PRIM2: variants seen among roughly 807,000 people sequenced by gnomAD.
The protein encoded by PRIM2 is DNA primase large subunit.
Under a neutral mutation model 67.3 loss-of-function variants are expected in PRIM2, and 39 were observed. That is an observed-to-expected ratio of 0.58 (90% CI 0.45 to 0.76). The LOEUF is 0.76. Ranked by LOEUF, PRIM2 falls within the 30% of genes least tolerant of loss-of-function variation. PRIM2 has a pLI of 0.00. For synonymous variants in PRIM2, 143 were observed against 198.7 expected, an observed-to-expected ratio of 0.72 and a Z score of 2.36; for missense variants, 398 against 598.7, an observed-to-expected ratio of 0.66 and a Z score of 3.50.
chr6:57,560,276 A>G (rs1775602022), intron 10 of PRIM2, among the ~76,000 whole-genome samples: 1 of 151,022 alleles, frequency 6.6e-6, no homozygotes, highest in Non-Finnish European at 1.5e-5. Context: ...TCCACTAAAA[A>G]GTTTTATCAT....
intron 7 of PRIM2, among the ~76,000 whole-genome samples, chr6:57,411,280 A>G (rs1424794297): frequency 2.0e-5 from 3 of 151,588 alleles, no homozygotes; most frequent in African/African-American, 7.3e-5. Flanking sequence ...ATCCAATTAA[A>G]CCTCTTTTCT....
chr6:57,278,593 T>C, the PRIM2 span, among the ~76,000 whole-genome samples: 2 of 152,240 alleles, frequency 1.3e-5, no homozygotes, highest in East Asian at 1.9e-4. Flanking sequence ...AAATGTCTTA[T>C]TGACAAAAAC....
At chr6:57,288,333 A>T in the PRIM2 span, among the ~76,000 whole-genome samples, 1 of 152,210 alleles carries the variant, frequency 6.6e-6, no homozygotes, top group East Asian at 1.9e-4. Flanking sequence ...AGCAAGGCCT[A>T]CTGCCTCTCT....
At chr6:57,577,112 T>A (rs1480666632) in intron 10 of PRIM2, among the ~76,000 whole-genome samples, 1 of 152,194 alleles carries the variant, frequency 6.6e-6, no homozygotes, top group Non-Finnish European at 1.5e-5. Flanking sequence ...GAATATAGCC[T>A]CTGCTGCTTT....
At chr6:57,350,401 TAGTG>T (rs1768822662) in intron 5 of PRIM2, among the ~76,000 whole-genome samples, 5 of 152,228 alleles carry the variant, frequency 3.3e-5, no homozygotes, top group Admixed American at 2.6e-4. Flanking sequence ...TTGATGATGT[TAGTG>T]TAAAGAAAAC....
At chr6:57,300,385 A>G in the PRIM2 span, among the ~76,000 whole-genome samples, 1 of 152,170 alleles carries the variant, frequency 6.6e-6, no homozygotes, top group Non-Finnish European at 1.5e-5. Context: ...TTCAGCTCTG[A>G]GTGGGCAAGG....
intron 7 of PRIM2, among the ~76,000 whole-genome samples, chr6:57,407,801 GGTA>G (rs1434451830): frequency 2.0e-5 from 3 of 152,154 alleles, no homozygotes; most frequent in African/African-American, 7.2e-5. Context: ...TGATGGTGGT[GGTA>G]GTGGTGGTGA....
At chr6:57,241,233 A>AG in the PRIM2 span, among the ~76,000 whole-genome samples, 1 of 151,180 alleles carries the variant, frequency 6.6e-6, no homozygotes, top group East Asian at 1.9e-4. Context: ...CAAAAAAAAA[A>AG]AAAAAGAAAA....
At chr6:57,438,288 A>G (rs1238462241) in intron 7 of PRIM2, among the ~76,000 whole-genome samples, 1 of 152,214 alleles carries the variant, frequency 6.6e-6, no homozygotes, top group Non-Finnish European at 1.5e-5. Context: ...CTTTAAAACA[A>G]AACATACTTC....
the PRIM2 span, among the ~76,000 whole-genome samples, chr6:57,237,836 A>T: frequency 6.6e-6 from 1 of 152,156 alleles, no homozygotes; most frequent in African/African-American, 2.4e-5. Context: ...GTATAGTTTG[A>T]AATCAGGTAG....
intron 13 of PRIM2, among the ~76,000 whole-genome samples, chr6:57,640,846 A>G (rs1935900738): frequency 6.6e-6 from 1 of 151,804 alleles, no homozygotes; most frequent in African/African-American, 2.4e-5. Flanking sequence ...TCAAGCTACC[A>G]TTGACTTTCT....
chr6:57,290,335 GGA>G, the PRIM2 span, among the ~76,000 whole-genome samples: 2 of 152,136 alleles, frequency 1.3e-5, no homozygotes, highest in South Asian at 4.2e-4. Flanking sequence ...CCCAATACAG[GGA>G]CACCCAGATT....
intron 7 of PRIM2, among the ~76,000 whole-genome samples, chr6:57,468,756 A>T (rs1773266625): frequency 1.3e-5 from 2 of 152,244 alleles, no homozygotes; most frequent in African/African-American, 4.8e-5. Context: ...TAGAACCCTG[A>T]CTAATATATA....
chr6:57,445,205 AT>A (rs1452298783), intron 7 of PRIM2, among the ~76,000 whole-genome samples: 1 of 152,168 alleles, frequency 6.6e-6, no homozygotes, highest in Non-Finnish European at 1.5e-5. Flanking sequence ...ATAATCATGG[AT>A]TGTTAGAAGT....
At chr6:57,273,477 T>C in the PRIM2 span, among the ~76,000 whole-genome samples, 4 of 152,362 alleles carry the variant, frequency 2.6e-5, no homozygotes, top group East Asian at 7.7e-4. Flanking sequence ...TTCAGCTCCA[T>C]CACATCCTTT....
intron 5 of PRIM2, among the ~76,000 whole-genome samples, chr6:57,346,736 G>T (rs1768690884): frequency 6.6e-6 from 1 of 152,074 alleles, no homozygotes; most frequent in South Asian, 2.1e-4. Flanking sequence ...TCAGAGTCTA[G>T]GTCAGATTGC....
At chr6:57,510,448 T>C (rs1224960327) in intron 8 of PRIM2, among the ~76,000 whole-genome samples, 5 of 152,200 alleles carry the variant, frequency 3.3e-5, no homozygotes, top group Admixed American at 3.3e-4. Context: ...GGATTCTCCT[T>C]CCTCCATCTG....
At chr6:57,387,235 A>G (rs1770183340) in intron 7 of PRIM2, among the ~76,000 whole-genome samples, 1 of 152,166 alleles carries the variant, frequency 6.6e-6, no homozygotes, top group African/African-American at 2.4e-5. Context: ...TCTTAATTCA[A>G]ATTTTTATCT....
intron 7 of PRIM2, among the ~76,000 whole-genome samples, chr6:57,396,786 T>C (rs1770530019): frequency 6.6e-6 from 1 of 152,188 alleles, no homozygotes; most frequent in African/African-American, 2.4e-5. Context: ...TTTAAAATGG[T>C]TCTGTTTTGA....
Sources: gnomAD v4.1 joint callset for allele counts (sites outside exome capture counted in the v4.1 genomes callset) on GRCh38, gnomAD v4.1.1 for gene constraint, MANE v1.5 for transcripts, NCBI Gene and HGNC (gene_info 2026-07-23, HGNC 2026-07-21) for gene names.